LGR5: variants seen among roughly 807,000 people sequenced by gnomAD.
LGR5 encodes leucine rich repeat containing G protein-coupled receptor 5.
A neutral mutation model predicts 76.7 loss-of-function variants in LGR5; 54 were observed. That is an observed-to-expected ratio of 0.70 (90% CI 0.57 to 0.88). The LOEUF (loss-of-function observed/expected upper bound fraction) is 0.88. LGR5 is among the 40% of genes least tolerant of loss of function. LGR5 has a pLI of 0.00. For missense variants in LGR5, 1,078 were observed against 1,073.3 expected (o/e 1.00, Z -0.06); for synonymous variants, 406 against 421.9 (o/e 0.96, Z 0.46).
At chr12:71,439,448 T>A (rs1871633719), upstream of LGR5, among the ~76,000 whole-genome samples, 1 of 152,230 alleles carries the variant, frequency 6.6e-6, no homozygotes, top group Admixed American at 6.5e-5. Context: ...CCTCCAGTCC[T>A]TGTGCGTCTG....
chr12:71,480,087 G>C (rs1873521544), intron 1 of LGR5, among the ~76,000 whole-genome samples: 1 of 152,098 alleles, frequency 6.6e-6, no homozygotes, highest in African/African-American at 2.4e-5. Context: ...AAGGAGGCTG[G>C]GTGCCGTAGC....
chr12:71,453,729 A>G (rs2137214024), intron 1 of LGR5, among the ~76,000 whole-genome samples: 1 of 152,112 alleles, frequency 6.6e-6, no homozygotes, highest in East Asian at 1.9e-4. Context: ...ATATTAACTG[A>G]AAAAATAGTT....
At chr12:71,568,119 T>G (rs946761532) in intron 11 of LGR5, among the ~76,000 whole-genome samples, 1 of 152,180 alleles carries the variant, frequency 6.6e-6, no homozygotes, top group Non-Finnish European at 1.5e-5. Context: ...TTTTACATAC[T>G]GGAGCTAGTA....
At chr12:71,459,377 T>C (rs1872605195) in intron 1 of LGR5, among the ~76,000 whole-genome samples, 1 of 152,124 alleles carries the variant, frequency 6.6e-6, no homozygotes, top group Admixed American at 6.6e-5. Context: ...CATATGAGCC[T>C]GTACATTTTT....
At chr12:71,548,324 T>TGC (rs1314641817) in intron 4 of LGR5, among the ~76,000 whole-genome samples, 13 of 151,790 alleles carry the variant, frequency 8.6e-5, no homozygotes, top group African/African-American at 3.1e-4. Flanking sequence ...TGTGTGTGTG[T>TGC]GCGTAGATAC....
chr12:71,582,998 G>A (rs1229097683), intron 17 of LGR5, among the ~76,000 whole-genome samples: 1 of 146,850 alleles, frequency 6.8e-6, no homozygotes, highest in African/African-American at 2.5e-5. Flanking sequence ...GGAAGGGAAG[G>A]GAGGGGAGGG....
intron 14 of LGR5, among the ~76,000 whole-genome samples, chr12:71,578,438 A>T (rs1436332971): frequency 6.6e-6 from 1 of 152,138 alleles, no homozygotes; most frequent in Non-Finnish European, 1.5e-5. Context: ...AGAAGTTAGG[A>T]GAAGAGGAAG....
chr12:71,478,034 C>G, intron 1 of LGR5, among the ~76,000 whole-genome samples: 1 of 152,048 alleles, frequency 6.6e-6, no homozygotes, highest in South Asian at 2.1e-4. Context: ...TTGAGATATC[C>G]TCATTTTTTT....
At chr12:71,495,306 T>C (rs2137287225) in intron 1 of LGR5, among the ~76,000 whole-genome samples, 1 of 151,392 alleles carries the variant, frequency 6.6e-6, no homozygotes, top group East Asian at 1.9e-4. Context: ...AATTATCCTT[T>C]TGGGGGTACT....
rs1874900701 is a variant in LGR5, at chr12:71,507,229, A to G, written c.284+2544A>G. ...TGTATCAGAGCCAAGATTCAAACCT[A>G]GGTCAAAGCTAAGATTCAAAATGAC... On this transcript the variant is annotated intron_variant, in intron 2 of 17. Transcript: ENST00000266674. Among the ~76,000 whole-genome samples the G allele has an allele frequency of 2.0e-5, 3 of 152,318 alleles. No individual in the cohort carries two copies. In the South Asian group the frequency reaches 6.2e-4, roughly 32 times the overall value.
chr12:71,469,258 A>G (rs1238795224), intron 1 of LGR5, among the ~76,000 whole-genome samples: 1 of 152,220 alleles, frequency 6.6e-6, no homozygotes, highest in Non-Finnish European at 1.5e-5. Flanking sequence ...TCTGAATGCA[A>G]TTTTAAAATA....
chr12:71,519,539 C>A (rs959252884), intron 2 of LGR5, among the ~76,000 whole-genome samples: 4 of 152,004 alleles, frequency 2.6e-5, no homozygotes, highest in African/African-American at 9.7e-5. Context: ...GTGGCTCATG[C>A]CTGTAATCCT....
chr12:71,464,753 A>G (rs1872798597), intron 1 of LGR5, among the ~76,000 whole-genome samples: 1 of 152,210 alleles, frequency 6.6e-6, no homozygotes. Context: ...TTTAATAGTG[A>G]TATTTAATTT....
intron 13 of LGR5, 187 bp downstream of exon 13, chr12:71,573,108 A>G: frequency 2.0e-6 from 1 of 507,488 alleles, no homozygotes. Flanking sequence ...GTAAATTTGC[A>G]ATTATGCTCT....
In LGR5 at chr12:71,529,217, A is replaced by G. The variant is rs535021538; in HGVS notation, c.356+4740A>G. 4.6e-5 allele frequency among the ~76,000 whole-genome samples: 7 copies of G among 152,318 alleles called. No homozygotes were observed. The East Asian group carries it at 1.2e-3, about 25-fold the overall frequency. ...AGTCCATTTTCACACTGCTGTAAAG[A>G]ACTACCTGAGACTGGGTAATTTATA... On this transcript the variant is annotated intron_variant, in intron 3 of 17. Transcript: ENST00000266674.
chr12:71,522,117 C>T (rs940171957), intron 2 of LGR5, among the ~76,000 whole-genome samples: 1 of 152,194 alleles, frequency 6.6e-6, no homozygotes, highest in Non-Finnish European at 1.5e-5. Context: ...AAGCAAACCT[C>T]ATAGTCTGGT....
chr12:71,498,246 G>C (rs970764651), intron 1 of LGR5, among the ~76,000 whole-genome samples: 28 of 152,156 alleles, frequency 1.8e-4, no homozygotes, highest in African/African-American at 6.3e-4. Context: ...CACAAAGAGA[G>C]TTTGCTCCCA....
At chr12:71,573,732 T>C (rs1471180057) in intron 13 of LGR5, among the ~76,000 whole-genome samples, 1 of 152,078 alleles carries the variant, frequency 6.6e-6, no homozygotes, top group African/African-American at 2.4e-5. Context: ...TTTGGTAAAA[T>C]AATACTATTC....
At position 71,553,813 on chromosome 12, in the gene LGR5, C is replaced by T. The variant is rs535259458; in HGVS notation, c.644+525C>T. Among the ~76,000 whole-genome samples the T allele has an allele frequency of 2.0e-5, 3 of 152,238 alleles. No homozygotes were observed. The East Asian group carries it at 5.8e-4, about 29-fold the overall frequency. ...TGCAATAAAGAGTAACACACAAGGC[C>T]GGCACAGTGGCTCATACCTGTAATC... is the stretch of plus-strand genomic sequence containing the variant. On this transcript the variant is annotated intron_variant, in intron 5 of 17. Coordinates refer to ENST00000266674, the MANE Select transcript of LGR5 (RefSeq NM_003667.4).
Sources: allele counts gnomAD v4.1 joint callset (sites outside exome capture counted in the v4.1 genomes callset), GRCh38; gene constraint gnomAD v4.1.1; transcripts MANE v1.5; gene names NCBI Gene and HGNC (gene_info 2026-07-23, HGNC 2026-07-21).